The following PARVA variants were observed in gnomAD, a reference collection of about 807,000 sequenced individuals.
PARVA encodes the protein parvin alpha, also known as alpha-parvin.
A neutral mutation model predicts 52.6 loss-of-function variants in PARVA; 25 were observed. The observed-to-expected ratio is 0.48, with a 90% CI of 0.35 to 0.66. PARVA has a LOEUF of 0.66. Ranked by LOEUF, PARVA falls within the 30% of genes least tolerant of loss-of-function variation. The pLI is 0.01. For missense variants in PARVA, 373 were observed against 450.9 expected (o/e 0.83, Z 1.56); for synonymous variants, 185 against 179.1 (o/e 1.03, Z -0.26).
chr11:12,427,799 AAGGTGAATGAC>A (rs1448140366), intron 1 of PARVA, among the ~76,000 whole-genome samples: 1 of 152,248 alleles, frequency 6.6e-6, no homozygotes, highest in Non-Finnish European at 1.5e-5. Flanking sequence ...CTCTTGAGAA[AAGGTGAATGAC>A]AGTGGTTAGA....
Position 12,513,783 on chromosome 11 carries a change from G to A in PARVA, c.799-214G>A, listed in dbSNP as rs530839148. 1.3e-4 allele frequency: 77 copies of A among 599,074 alleles called. 1 individual carries two copies. Among genetic ancestry groups the A allele is most frequent in the South Asian group, 5.1e-4 (26 of 50,660 alleles). The allele number at this position is 599,074 out of a possible 1,614,324, so 37.1% of individuals were successfully genotyped here. ...CTTGGGACCTCCTTGTTCCTTACACGCCCTGAGTTGTATGGGACTGCAAAG... is the reference window on the plus strand; with the variant it reads ...CTTGGGACCTCCTTGTTCCTTACACACCCTGAGTTGTATGGGACTGCAAAG... On this transcript the variant is annotated intron_variant, in intron 9 of 12. Coordinates refer to ENST00000334956, the MANE Select transcript of PARVA (RefSeq NM_018222.5).
At chr11:12,454,665 C>G (rs1422480834) in intron 1 of PARVA, among the ~76,000 whole-genome samples, 1 of 152,088 alleles carries the variant, frequency 6.6e-6, no homozygotes, top group Non-Finnish European at 1.5e-5. Flanking sequence ...CCAATGCACC[C>G]AGCAGCCAAC....
chr11:12,525,985 G>A (rs1262651987), intron 12 of PARVA, among the ~76,000 whole-genome samples: 1 of 152,128 alleles, frequency 6.6e-6, no homozygotes, highest in African/African-American at 2.4e-5. Context: ...GCCTGAGCAT[G>A]CCAGGCTGTG....
At chr11:12,525,829 G>T (rs1941693254) in intron 12 of PARVA, among the ~76,000 whole-genome samples, 1 of 152,244 alleles carries the variant, frequency 6.6e-6, no homozygotes, top group African/African-American at 2.4e-5. Flanking sequence ...TGGTCTATCA[G>T]TAGGAGACCT....
At chr11:12,491,453 GC>G (rs1475581895) in intron 4 of PARVA, among the ~76,000 whole-genome samples, 1 of 152,160 alleles carries the variant, frequency 6.6e-6, no homozygotes, top group Non-Finnish European at 1.5e-5. Context: ...CAGGCATAAA[GC>G]CACCACGCCC....
Position 12,517,666 on chromosome 11 carries a change from G to A in PARVA, c.924G>A (p.Val308=). ...LLMGLLEGYF[V]PLHSFFLTPD... ...TGGGGCTCCTGGAGGGCTACTTTGT[G>A]CCCCTGCACAGCTTCTTCCTGACCC... The change falls in exon 11 of 13, where the codon GTG becomes GTA. Residue 308 remains valine (V), a synonymous_variant. Coordinates refer to ENST00000334956, the MANE Select transcript of PARVA (RefSeq NM_018222.5). 6.2e-7 allele frequency: 1 copy of A among 1,605,938 alleles called. No homozygotes were observed. Among genetic ancestry groups the A allele is most frequent in the South Asian group, 1.1e-5 (1 of 89,028 alleles).
chr11:12,447,903 C>CTTTT (rs1190587103), intron 1 of PARVA, among the ~76,000 whole-genome samples: 2 of 152,308 alleles, frequency 1.3e-5, no homozygotes, highest in East Asian at 3.9e-4. Flanking sequence ...TGAACTTAAT[C>CTTTT]TTCTCATACA....
rs1184044109 is a variant in PARVA, at chr11:12,517,695, AC to A, written c.954del (p.Asp318GlufsTer8). 6.3e-7 allele frequency: 1 copy of A among 1,598,482 alleles called. No individual in the cohort carries two copies. Among genetic ancestry groups the A allele is most frequent in the Non-Finnish European group, 8.5e-7 (1 of 1,171,910 alleles). ...VPLHSFFLTP[D>X]SFEQKVLNVS... Reference sequence around the variant, plus strand: ...CTGCACAGCTTCTTCCTGACCCCGGACAGCTTTGAACAGAAGGTAAGGAGAA... The same window carrying A: ...CTGCACAGCTTCTTCCTGACCCCGGAAGCTTTGAACAGAAGGTAAGGAGAA... On this transcript the variant is annotated frameshift_variant, in exon 11 of 13. Transcript: ENST00000334956. LOFTEE classifies it high-confidence loss of function.
At position 12,489,601 on chromosome 11, in the gene PARVA, T is replaced by C. The variant is rs527709676; in HGVS notation, c.401-6857T>C. On this transcript the variant is annotated intron_variant, in intron 4 of 12. Coordinates refer to ENST00000334956, the MANE Select transcript of PARVA (RefSeq NM_018222.5). ...CATAATGAATGAGAATTTTCTAGAA[T>C]TGATGAAAGACATGAATCCTCAGAT... is the stretch of plus-strand genomic sequence containing the variant. Among the ~76,000 whole-genome samples, 6 of 152,324 alleles carry C rather than the reference T, an allele frequency of 3.9e-5. No homozygotes were observed. The South Asian group carries it at 8.3e-4, about 21-fold the overall frequency.
chr11:12,513,896 C>CT (rs1941535086), intron 9 of PARVA, 101 bp from the exon 10 acceptor site: 1 of 1,069,570 alleles, frequency 9.3e-7, no homozygotes, highest in South Asian at 1.4e-5. Context: ...TGATCCTCTG[C>CT]TTTCACCCTC....
chr11:12,413,906 A>G (rs144806724), intron 1 of PARVA, among the ~76,000 whole-genome samples: 229 of 152,320 alleles, frequency 1.5e-3, no homozygotes, highest in African/African-American at 5.0e-3. Context: ...TCTGCACAAA[A>G]CAGTAACTTA....
chr11:12,384,243 G>T (rs1010910356), intron 1 of PARVA, among the ~76,000 whole-genome samples: 1 of 152,060 alleles, frequency 6.6e-6, no homozygotes, highest in Non-Finnish European at 1.5e-5. Flanking sequence ...CCTGATACTG[G>T]TTTCCTCTTT....
Position 12,528,065 on chromosome 11 carries a change from G to A in PARVA, c.*140G>A, listed in dbSNP as rs947986786. 9 of 702,922 alleles carry A rather than the reference G, an allele frequency of 1.3e-5. No homozygotes were observed. The African/African-American group carries it at 1.4e-4, about 11-fold the overall frequency. 43.5% of individuals were successfully genotyped at this position (702,922 alleles called of 1,614,324 possible). A position where few individuals can be genotyped will look rare whatever the true frequency, so the allele number is the denominator to read the frequency against. On this transcript the variant is annotated 3_prime_UTR_variant, in exon 13 of 13. Coordinates refer to ENST00000334956, the MANE Select transcript of PARVA (RefSeq NM_018222.5). ...GTCCAGCTGCAACCCAGAGATAGTGGAAACTGAAATTAGGAAGGAAATCAT... is the reference window on the plus strand; with the variant it reads ...GTCCAGCTGCAACCCAGAGATAGTGAAAACTGAAATTAGGAAGGAAATCAT...
At chr11:12,377,985 T>C (rs1939427614) in intron 1 of PARVA, among the ~76,000 whole-genome samples, 1 of 148,016 alleles carries the variant, frequency 6.8e-6, no homozygotes, top group African/African-American at 2.4e-5. Context: ...TCGCGGGCCA[T>C]CGAGGCCACC....
upstream of PARVA, chr11:12,376,739 G>C: frequency 1.0e-6 from 1 of 984,400 alleles, no homozygotes; most frequent in Non-Finnish European, 1.2e-6. Flanking sequence ...AGATGGGTAA[G>C]CTCAATAACA....
chr11:12,392,649 T>C (rs1053809186), intron 1 of PARVA, among the ~76,000 whole-genome samples: 1 of 152,228 alleles, frequency 6.6e-6, no homozygotes, highest in East Asian at 1.9e-4. Context: ...ATTCATACTT[T>C]TTGGCAATTA....
chr11:12,534,255 T>G lies in PARVA; in HGVS notation c.*6330T>G, dbSNP rs1411470119. 2.6e-5 allele frequency among the ~76,000 whole-genome samples: 4 copies of G among 152,224 alleles called. No individual in the cohort carries two copies. Among genetic ancestry groups the G allele is most frequent in the African/African-American group, 9.6e-5 (4 of 41,456 alleles). ...TTGTTGTTCAAGGGTCAATTGTATA[T>G]TATTTTCACTGGAAGTTTTGAAATT... On this transcript the variant is annotated 3_prime_UTR_variant, in exon 13 of 13. Transcript: ENST00000334956.
At chr11:12,430,175 A>G (rs1205547300) in intron 1 of PARVA, among the ~76,000 whole-genome samples, 2 of 152,186 alleles carry the variant, frequency 1.3e-5, no homozygotes, top group Admixed American at 6.5e-5. Flanking sequence ...TGAACATGGA[A>G]TTGGGAAGAG....
At chr11:12,423,182 A>AT (rs34667589) in intron 1 of PARVA, among the ~76,000 whole-genome samples, 33,797 of 132,890 alleles carry the variant, frequency 0.25, 5,106 homozygotes, top group Non-Finnish European at 0.34. Flanking sequence ...CATTAAGGAG[A>AT]TTTTTTTTTT....
Sources: gnomAD v4.1 joint callset for allele counts (sites outside exome capture counted in the v4.1 genomes callset) on GRCh38, gnomAD v4.1.1 for gene constraint, MANE v1.5 for transcripts, NCBI Gene and HGNC (gene_info 2026-07-23, HGNC 2026-07-21) for gene names.